The following HS6ST3 variants were observed in gnomAD, a reference collection of about 807,000 sequenced individuals.
HS6ST3 encodes heparan sulfate 6-O-sulfotransferase 3, also known as heparan-sulfate 6-O-sulfotransferase 3.
Under a neutral mutation model 36.7 loss-of-function variants are expected in HS6ST3, and 12 were observed. That is an observed-to-expected ratio of 0.33 (90% CI 0.21 to 0.53). The LOEUF (loss-of-function observed/expected upper bound fraction) is 0.53, where lower values mean the gene tolerates loss of function less well. HS6ST3 is among the 20% of genes least tolerant of loss of function. The pLI, the probability that HS6ST3 is intolerant of heterozygous loss-of-function variation, is 0.95. For missense variants in HS6ST3, 584 were observed against 640.9 expected, an observed-to-expected ratio of 0.91 and a Z score of 0.96; for synonymous variants, 240 against 257.5, an observed-to-expected ratio of 0.93 and a Z score of 0.65.
intron 1 of HS6ST3, among the ~76,000 whole-genome samples, chr13:96,683,389 G>T (rs2056724797): frequency 6.6e-6 from 1 of 152,086 alleles, no homozygotes; most frequent in Non-Finnish European, 1.5e-5. Flanking sequence ...TGCCTTAGCA[G>T]AATTTTTACT....
intron 1 of HS6ST3, among the ~76,000 whole-genome samples, chr13:96,395,464 G>A (rs1282048746): frequency 1.3e-5 from 2 of 152,012 alleles, no homozygotes; most frequent in African/African-American, 4.8e-5. Context: ...TCTCTTCCCT[G>A]CCACAACCCT....
chr13:96,729,997 A>C (rs1318613940), intron 1 of HS6ST3, among the ~76,000 whole-genome samples: 1 of 152,206 alleles, frequency 6.6e-6, no homozygotes, highest in Non-Finnish European at 1.5e-5. Flanking sequence ...TTTATCCTTT[A>C]TGTAGAAAAC....
At chr13:96,130,989 G>A (rs184494057) in intron 1 of HS6ST3, among the ~76,000 whole-genome samples, 172 of 152,164 alleles carry the variant, frequency 1.1e-3, no homozygotes, top group Non-Finnish European at 2.6e-4. Flanking sequence ...CATTCTTAAC[G>A]CTGTTCCCTC....
At chr13:96,451,216 A>G (rs759690184) in intron 1 of HS6ST3, among the ~76,000 whole-genome samples, 9 of 152,062 alleles carry the variant, frequency 5.9e-5, no homozygotes, top group Non-Finnish European at 8.8e-5. Context: ...TAGTCACATT[A>G]CCTATTTTTC....
intron 1 of HS6ST3, among the ~76,000 whole-genome samples, chr13:96,598,858 A>G (rs965741835): frequency 2.6e-5 from 4 of 151,924 alleles, no homozygotes; most frequent in African/African-American, 9.7e-5. Context: ...TTCTATTCCT[A>G]ATTTTTGAAG....
chr13:96,836,904 G>C lies in HS6ST3; in HGVS notation c.*3706G>C, dbSNP rs765937509. On this transcript the variant is annotated 3_prime_UTR_variant, in exon 2 of 2. Transcript: ENST00000376705. ...TCCTGTTGCTCTGTCATCCTAATGTGCTGCATCCACCTCATGGACCAAGAT... is the reference window on the plus strand; with the variant it reads ...TCCTGTTGCTCTGTCATCCTAATGTCCTGCATCCACCTCATGGACCAAGAT... 2 of 152,172 alleles carry C rather than the reference G, an allele frequency of 1.3e-5. No homozygotes were observed. The highest frequency in any genetic ancestry group is 2.9e-5 in the Non-Finnish European group (2 of 68,048). 9.4% of individuals were successfully genotyped at this position (152,172 alleles called of 1,614,324 possible). A position where few individuals can be genotyped will look rare whatever the true frequency, so the allele number is the denominator to read the frequency against.
chr13:96,473,068 C>T lies in HS6ST3; in HGVS notation c.708-359422C>T, dbSNP rs186193376. On this transcript the variant is annotated intron_variant, in intron 1 of 1. Transcript: ENST00000376705. ...AAAAGTCACTTTCCAAAGCCAAATG[C>T]GTGCTCTTCCCCACCTCCTTGTAAG... Among the ~76,000 whole-genome samples, 81 of 152,266 alleles carry T rather than the reference C, an allele frequency of 5.3e-4. No homozygotes were observed. In the East Asian group the frequency reaches 0.012, roughly 22 times the overall value.
At chr13:96,312,433 C>T (rs2054946025) in intron 1 of HS6ST3, among the ~76,000 whole-genome samples, 1 of 151,908 alleles carries the variant, frequency 6.6e-6, no homozygotes, top group Non-Finnish European at 1.5e-5. Flanking sequence ...CATATTTCAC[C>T]TTATAATTTT....
At chr13:96,582,363 C>T (rs183040511) in intron 1 of HS6ST3, among the ~76,000 whole-genome samples, 27 of 152,094 alleles carry the variant, frequency 1.8e-4, no homozygotes, top group African/African-American at 6.3e-4. Flanking sequence ...GAAACTAGAT[C>T]TGAGGGTCTA....
At chr13:96,827,230 G>C (rs953931827) in intron 1 of HS6ST3, among the ~76,000 whole-genome samples, 1 of 152,192 alleles carries the variant, frequency 6.6e-6, no homozygotes, top group African/African-American at 2.4e-5. Flanking sequence ...TTGGCAAATA[G>C]ATGGGGCTTA....
chr13:96,485,171 C>G (rs1380366830), intron 1 of HS6ST3, among the ~76,000 whole-genome samples: 1 of 152,104 alleles, frequency 6.6e-6, no homozygotes, highest in Non-Finnish European at 1.5e-5. Flanking sequence ...GTATATCAAG[C>G]TGGGAAGAAC....
chr13:96,436,713 A>G (rs2055644423), intron 1 of HS6ST3, among the ~76,000 whole-genome samples: 1 of 152,214 alleles, frequency 6.6e-6, no homozygotes, highest in Non-Finnish European at 1.5e-5. Context: ...GGACATAGCA[A>G]GAAGGTGGCT....
chr13:96,742,026 T>A (rs1876452434), intron 1 of HS6ST3, among the ~76,000 whole-genome samples: 1 of 152,166 alleles, frequency 6.6e-6, no homozygotes. Context: ...GGCTTTGTCA[T>A]CTTTAAAGTT....
intron 1 of HS6ST3, among the ~76,000 whole-genome samples, chr13:96,409,164 A>T (rs774940285): frequency 7.4e-4 from 113 of 152,198 alleles, no homozygotes; most frequent in Non-Finnish European, 1.4e-3. Flanking sequence ...AAGGGAGATT[A>T]TCTCAGCAAA....
At chr13:96,775,377 T>C (rs958632449) in intron 1 of HS6ST3, among the ~76,000 whole-genome samples, 7 of 152,002 alleles carry the variant, frequency 4.6e-5, no homozygotes, top group Non-Finnish European at 8.8e-5. Context: ...AAGTAAAAGA[T>C]ACAGACTGGC....
intron 1 of HS6ST3, among the ~76,000 whole-genome samples, chr13:96,103,139 G>C (rs1473325350): frequency 6.6e-6 from 1 of 152,058 alleles, no homozygotes; most frequent in Non-Finnish European, 1.5e-5. Flanking sequence ...ACAGTGTTTT[G>C]ACCGTTGATA....
intron 1 of HS6ST3, among the ~76,000 whole-genome samples, chr13:96,602,868 G>T (rs1021982159): frequency 7.9e-5 from 12 of 152,178 alleles, no homozygotes; most frequent in African/African-American, 2.9e-4. Flanking sequence ...TTTTCTTCAA[G>T]TGGACAGTTA....
chr13:96,498,294 A>G (rs1566378478), intron 1 of HS6ST3, among the ~76,000 whole-genome samples: 1 of 152,178 alleles, frequency 6.6e-6, no homozygotes, highest in Non-Finnish European at 1.5e-5. Flanking sequence ...AAACAACTTC[A>G]TCCTCTGCTT....
intron 1 of HS6ST3, among the ~76,000 whole-genome samples, chr13:96,621,057 G>A (rs528047266): frequency 3.9e-5 from 6 of 152,176 alleles, no homozygotes; most frequent in African/African-American, 7.2e-5. Context: ...CCTGGGAGCC[G>A]CAAGGGCTGC....
Sources: allele counts gnomAD v4.1 joint callset (sites outside exome capture counted in the v4.1 genomes callset), GRCh38; gene constraint gnomAD v4.1.1; transcripts MANE v1.5; gene names NCBI Gene and HGNC (gene_info 2026-07-23, HGNC 2026-07-21).